ELAVL4: variants seen among roughly 807,000 people sequenced by gnomAD.
The protein encoded by ELAVL4 is ELAV-like protein 4.
Under a neutral mutation model 35.6 loss-of-function variants are expected in ELAVL4, and 1 was observed. That is an observed-to-expected ratio of 0.03 (90% confidence interval 0.01 to 0.13). The LOEUF is 0.13. ELAVL4 is among the 10% of genes least tolerant of loss of function. The pLI is 1.00. For missense variants in ELAVL4, 267 were observed against 464.9 expected, an observed-to-expected ratio of 0.57 and a Z score of 3.91; for synonymous variants, 156 against 171.0, an observed-to-expected ratio of 0.91 and a Z score of 0.69.
intron 2 of ELAVL4, among the ~76,000 whole-genome samples, chr1:50,159,374 G>A (rs1312549080): frequency 5.9e-5 from 9 of 152,102 alleles, no homozygotes; most frequent in African/African-American, 1.4e-4. Context: ...GTGGGAGACC[G>A]AGGCAGGCGG....
At chr1:50,091,310 C>T (rs1461651827) in intron 1 of ELAVL4, among the ~76,000 whole-genome samples, 10 of 152,272 alleles carry the variant, frequency 6.6e-5, no homozygotes, top group African/African-American at 2.2e-4. Context: ...ATGCTGGCAG[C>T]GTCTTACTAA....
chr1:50,132,202 A>G (rs1431073339), intron 1 of ELAVL4, among the ~76,000 whole-genome samples: 4 of 152,176 alleles, frequency 2.6e-5, no homozygotes, highest in African/African-American at 9.6e-5. Context: ...GAAGCTTAAA[A>G]AGCGTGGTAT....
chr1:50,072,793 A>C (rs1664590182), intron 1 of ELAVL4, among the ~76,000 whole-genome samples: 1 of 152,154 alleles, frequency 6.6e-6, no homozygotes, highest in African/African-American at 2.4e-5. Flanking sequence ...AGGTACTATT[A>C]TTGTCCTCAT....
At chr1:50,115,174 GCT>G (rs779117460) in intron 1 of ELAVL4, 4 of 151,938 alleles carry the variant, frequency 2.6e-5, no homozygotes, top group Non-Finnish European at 5.9e-5. Flanking sequence ...CTTTAGGGGA[GCT>G]CATATTCAGA....
intron 1 of ELAVL4, among the ~76,000 whole-genome samples, chr1:50,117,065 C>T (rs532428487): frequency 7.9e-5 from 12 of 152,130 alleles, no homozygotes; most frequent in African/African-American, 2.4e-4. Context: ...AAAAGGGAAT[C>T]GTTAGCTTTT....
chr1:50,103,921 A>G (rs1666118520), upstream of ELAVL4: 31 of 1,613,434 alleles, frequency 1.9e-5, no homozygotes, highest in Non-Finnish European at 2.3e-5. Context: ...TCTGACTTGG[A>G]GTTTTGTGCT....
At chr1:50,146,429 G>C (rs1300566382) in intron 2 of ELAVL4, among the ~76,000 whole-genome samples, 1 of 151,964 alleles carries the variant, frequency 6.6e-6, no homozygotes, top group African/African-American at 2.4e-5. Context: ...TGTCTCAAAG[G>C]GCTTATTGTG....
intron 2 of ELAVL4, among the ~76,000 whole-genome samples, chr1:50,166,931 G>A (rs944471562): frequency 6.6e-6 from 1 of 152,120 alleles, no homozygotes; most frequent in Non-Finnish European, 1.5e-5. Flanking sequence ...CCTGTTGGCA[G>A]CGTTCCTCCC....
At chr1:50,183,800 C>T (rs1681419053) in intron 3 of ELAVL4, among the ~76,000 whole-genome samples, 1 of 152,206 alleles carries the variant, frequency 6.6e-6, no homozygotes, top group Non-Finnish European at 1.5e-5. Context: ...ATTATTTCTC[C>T]TATCACTGCT....
At chr1:50,151,046 A>G (rs1270518628) in intron 2 of ELAVL4, among the ~76,000 whole-genome samples, 1 of 152,220 alleles carries the variant, frequency 6.6e-6, no homozygotes, top group Non-Finnish European at 1.5e-5. Flanking sequence ...GGAGTCTCAC[A>G]TAATCCTCAT....
upstream of ELAVL4, among the ~76,000 whole-genome samples, chr1:50,102,116 C>CCT (rs1666010286): frequency 6.6e-6 from 1 of 151,654 alleles, no homozygotes; most frequent in Non-Finnish European, 1.5e-5. Flanking sequence ...TGAAACCCTG[C>CCT]CTCTACTAAA....
At chr1:50,158,271 A>T (rs909199092) in intron 2 of ELAVL4, among the ~76,000 whole-genome samples, 1 of 152,178 alleles carries the variant, frequency 6.6e-6, no homozygotes, top group Admixed American at 6.5e-5. Context: ...TAAGAAAGTA[A>T]CTTATCTAAG....
intron 1 of ELAVL4, among the ~76,000 whole-genome samples, chr1:50,134,324 G>A (rs1027882023): frequency 5.3e-5 from 8 of 152,104 alleles, no homozygotes; most frequent in Admixed American, 5.2e-4. Flanking sequence ...AGATAAGTCT[G>A]GCTTAATCAG....
chr1:50,125,081 G>A (rs1399071386), intron 1 of ELAVL4, among the ~76,000 whole-genome samples: 1 of 151,892 alleles, frequency 6.6e-6, no homozygotes, highest in South Asian at 2.1e-4. Flanking sequence ...GAGTAAGTAA[G>A]TAGTAAGTAG....
At chr1:50,076,381 A>G (rs1664763869) in intron 1 of ELAVL4, among the ~76,000 whole-genome samples, 1 of 152,188 alleles carries the variant, frequency 6.6e-6, no homozygotes. Context: ...ATTACAATAT[A>G]CTGTTATAGT....
At chr1:50,048,264 G>T (rs1663172682) in intron 1 of ELAVL4, 5 of 1,404,356 alleles carry the variant, frequency 3.6e-6, no homozygotes, top group South Asian at 1.5e-5. Flanking sequence ...ACGTGGTCGC[G>T]ACTGGCTTCT....
At chr1:50,068,871 C>G (rs1395600249) in intron 1 of ELAVL4, among the ~76,000 whole-genome samples, 1 of 151,610 alleles carries the variant, frequency 6.6e-6, no homozygotes, top group Non-Finnish European at 1.5e-5. Context: ...ACTTAATAGA[C>G]AGTTTCTCTT....
intron 3 of ELAVL4, among the ~76,000 whole-genome samples, chr1:50,178,193 G>A (rs796627448): frequency 3.3e-5 from 5 of 152,310 alleles, no homozygotes; most frequent in African/African-American, 1.2e-4. Context: ...CTGCAGGGAA[G>A]TGTCTCCTGG....
upstream of ELAVL4, chr1:50,104,049 A>G: frequency 6.2e-7 from 1 of 1,604,190 alleles, no homozygotes; most frequent in East Asian, 2.2e-5. Flanking sequence ...TAGACCGTCA[A>G]TGGGTGGTAT....
Sources: allele counts gnomAD v4.1 joint callset (sites outside exome capture counted in the v4.1 genomes callset), GRCh38; gene constraint gnomAD v4.1.1; transcripts MANE v1.5; gene names NCBI Gene and HGNC (gene_info 2026-07-23, HGNC 2026-07-21).